Variants in RIMS1 observed in about 807,000 individuals in gnomAD.
The protein encoded by RIMS1 is regulating synaptic membrane exocytosis 1.
A neutral mutation model predicts 214.1 loss-of-function variants in RIMS1; 83 were observed. The observed-to-expected ratio is 0.39, with a 90% CI of 0.32 to 0.47. RIMS1 has a LOEUF of 0.47. RIMS1 is among the 20% of genes least tolerant of loss of function. The pLI is 0.99. For synonymous variants in RIMS1, 793 were observed against 786.8 expected (o/e 1.01, Z -0.13); for missense variants, 2,050 against 2,161.8 (o/e 0.95, Z 1.03).
chr6:72,366,779 A>G (rs2098042205), intron 29 of RIMS1: 1 of 985,734 alleles, frequency 1.0e-6, no homozygotes, highest in South Asian at 4.7e-5. Context: ...CGCACAAGTT[A>G]TTTAAACCAG....
At chr6:71,918,151 C>T (rs1778977152) in intron 1 of RIMS1, among the ~76,000 whole-genome samples, 2 of 151,858 alleles carry the variant, frequency 1.3e-5, no homozygotes, top group African/African-American at 2.4e-5. Flanking sequence ...AATTAGATCA[C>T]CAAGACTAAA....
At chr6:71,940,887 A>G (rs1228416971) in intron 1 of RIMS1, among the ~76,000 whole-genome samples, 2 of 152,180 alleles carry the variant, frequency 1.3e-5, no homozygotes, top group African/African-American at 2.4e-5. Flanking sequence ...GAAACTGGCA[A>G]GAGGCTCAGA....
chr6:72,302,247 A>G (rs779404629), intron 26 of RIMS1, among the ~76,000 whole-genome samples: 21 of 151,694 alleles, frequency 1.4e-4, no homozygotes, highest in Non-Finnish European at 2.1e-4. Flanking sequence ...GATTCCAGGT[A>G]TATGCAGAAT....
intron 6 of RIMS1, among the ~76,000 whole-genome samples, chr6:72,216,171 C>G (rs149652793): frequency 1.3e-5 from 2 of 152,040 alleles, no homozygotes; most frequent in Non-Finnish European, 2.9e-5. Flanking sequence ...TTTGTTGTTA[C>G]TGTTGCTGTT....
At chr6:72,279,856 G>A (rs186872676) in intron 23 of RIMS1, among the ~76,000 whole-genome samples, 34 of 151,740 alleles carry the variant, frequency 2.2e-4, no homozygotes, top group Non-Finnish European at 3.5e-4. Context: ...GTTATACATG[G>A]GATAGCTGAA....
chr6:71,887,925 T>G (rs953499861), intron 1 of RIMS1, among the ~76,000 whole-genome samples: 3 of 152,104 alleles, frequency 2.0e-5, no homozygotes, highest in African/African-American at 7.2e-5. Flanking sequence ...AACATAGAGG[T>G]TCCTCTTTAG....
At chr6:72,102,433 T>C (rs1290271293) in intron 4 of RIMS1, among the ~76,000 whole-genome samples, 2 of 151,992 alleles carry the variant, frequency 1.3e-5, no homozygotes, top group Non-Finnish European at 2.9e-5. Flanking sequence ...ACCTACCTTT[T>C]AAGTATCACA....
At chr6:72,120,593 T>G (rs1047697693) in intron 4 of RIMS1, among the ~76,000 whole-genome samples, 3 of 151,948 alleles carry the variant, frequency 2.0e-5, no homozygotes, top group Admixed American at 6.6e-5. Context: ...TTTCTCCCAT[T>G]TTGTAGGTTG....
chr6:72,237,903 A>G lies in RIMS1; in HGVS notation c.1938A>G (p.Val646=). 6.2e-7 allele frequency: 1 copy of G among 1,612,576 alleles called. No homozygotes were observed. Among genetic ancestry groups the G allele is most frequent in the Non-Finnish European group, 8.5e-7 (1 of 1,178,958 alleles). Residue 646 remains valine (V), a synonymous_variant, in exon 9 of 34, where the codon GTA becomes GTG. Transcript: ENST00000521978. ...TKVKKGSLAD[V]VGHLRAGDEV... The stretch of plus-strand genomic sequence containing the variant: ...TAAAGAAGGGTAGCCTAGCAGATGT[A>G]GTTGGACACCTAAGAGCAGGTAAAG...
At chr6:72,123,957 A>G (rs935073420) in intron 4 of RIMS1, among the ~76,000 whole-genome samples, 4 of 151,870 alleles carry the variant, frequency 2.6e-5, no homozygotes, top group African/African-American at 9.7e-5. Context: ...TAATTGGAGC[A>G]TTTGGCCCAC....
chr6:71,977,068 A>T (rs1377590106), intron 2 of RIMS1, among the ~76,000 whole-genome samples: 2 of 152,180 alleles, frequency 1.3e-5, no homozygotes, highest in African/African-American at 4.8e-5. Flanking sequence ...CGGATGGCAG[A>T]AATGTCAGGG....
At chr6:72,185,899 C>T (rs184783819) in intron 6 of RIMS1, among the ~76,000 whole-genome samples, 62 of 152,266 alleles carry the variant, frequency 4.1e-4, no homozygotes, top group Non-Finnish European at 2.4e-4. Flanking sequence ...AATGTGAAGA[C>T]GACGAGGATG....
intron 29 of RIMS1, among the ~76,000 whole-genome samples, chr6:72,337,945 A>G (rs948224427): frequency 6.6e-6 from 1 of 151,760 alleles, no homozygotes; most frequent in African/African-American, 2.4e-5. Context: ...GCTGCATAGT[A>G]TTCCATGGTG....
At chr6:72,386,115 G>A (rs181859547) in intron 29 of RIMS1, among the ~76,000 whole-genome samples, 13 of 152,278 alleles carry the variant, frequency 8.5e-5, no homozygotes, top group African/African-American at 2.9e-4. Context: ...CACCGTGGAA[G>A]CTATTAAAGT....
Position 72,213,132 on chromosome 6 carries a change from C to T in RIMS1, c.1679-20641C>T, listed in dbSNP as rs374026843. The T allele has an allele frequency of 1.8e-4, 276 of 1,536,974 alleles. No homozygotes were observed. Among genetic ancestry groups the T allele is most frequent in the Non-Finnish European group, 2.2e-4 (253 of 1,146,724 alleles). On this transcript the variant is annotated intron_variant, in intron 6 of 33. Coordinates refer to ENST00000521978, the MANE Select transcript of RIMS1 (RefSeq NM_014989.7). ...TTCCAAGTTTGCTGTCATGTGTGCA[C>T]CTGGGATTCATGTCTCTTCAGAAGG...
chr6:72,156,894 T>A (rs2463710), intron 4 of RIMS1, among the ~76,000 whole-genome samples: 106,536 of 139,268 alleles, frequency 0.76, 44,821 homozygotes, highest in East Asian at 0.98. Flanking sequence ...TAATTAAATT[T>A]CATGAATGCA....
At chr6:72,344,772 G>A (rs1467870462) in intron 29 of RIMS1, among the ~76,000 whole-genome samples, 3 of 151,626 alleles carry the variant, frequency 2.0e-5, no homozygotes, top group Non-Finnish European at 4.4e-5. Context: ...CTAAAGAGAT[G>A]CCCTAATAAG....
Position 71,887,205 on chromosome 6 carries a change from G to T in RIMS1, c.164+18G>T. ...ATGCTCAAGTAAGCCAGCCCCAGCCGCGCCATCCATGCCTCCGTGCCTCCA... is the reference window on the plus strand; with the variant it reads ...ATGCTCAAGTAAGCCAGCCCCAGCCTCGCCATCCATGCCTCCGTGCCTCCA... On this transcript the variant is annotated intron_variant, in intron 1 of 33. Transcript: ENST00000521978. The T allele has an allele frequency of 6.3e-7, 1 of 1,595,554 alleles. No individual in the cohort carries two copies.
chr6:72,294,475 G>A (rs758346895), intron 26 of RIMS1, among the ~76,000 whole-genome samples: 3 of 151,636 alleles, frequency 2.0e-5, no homozygotes, highest in African/African-American at 4.8e-5. Flanking sequence ...AATTTGATAA[G>A]CAGCTGATTG....
Sources: allele counts gnomAD v4.1 joint callset (sites outside exome capture counted in the v4.1 genomes callset), GRCh38; gene constraint gnomAD v4.1.1; transcripts MANE v1.5; gene names NCBI Gene and HGNC (gene_info 2026-07-23, HGNC 2026-07-21).